Variants in ARID5B observed in about 807,000 individuals in gnomAD.
The protein encoded by ARID5B is AT-rich interactive domain-containing protein 5B.
In ARID5B, 13 loss-of-function variants were observed where a neutral mutation model predicts 97.2. The observed-to-expected ratio is 0.13, with a 90% CI of 0.09 to 0.21. The LOEUF (loss-of-function observed/expected upper bound fraction) is 0.21, where lower values mean the gene tolerates loss of function less well. ARID5B is among the 10% of genes least tolerant of loss of function. The probability of loss-of-function intolerance (pLI) is 1.00; values close to 1 mark genes in which losing one functional copy is unlikely to be tolerated. For synonymous variants in ARID5B, 556 were observed against 570.3 expected (o/e 0.97, Z 0.36); for missense variants, 1,210 against 1,465.3 (o/e 0.83, Z 2.84).
intron 4 of ARID5B, among the ~76,000 whole-genome samples, chr10:62,015,439 T>A (rs1350064929): frequency 6.6e-6 from 1 of 152,192 alleles, no homozygotes; most frequent in African/African-American, 2.4e-5. Flanking sequence ...GTTGTGCTTC[T>A]TTTCAGTAGC....
chr10:61,949,365 G>T (rs377017299), intron 3 of ARID5B, among the ~76,000 whole-genome samples: 2 of 152,108 alleles, frequency 1.3e-5, no homozygotes, highest in Non-Finnish European at 2.9e-5. Flanking sequence ...GGCTGGGCAC[G>T]GTGGCTCACG....
chr10:62,028,917 A>T (rs1401863432), intron 4 of ARID5B, among the ~76,000 whole-genome samples: 1 of 150,910 alleles, frequency 6.6e-6, no homozygotes, highest in African/African-American at 2.4e-5. Context: ...AGATCACGCC[A>T]CTGCGCTCCA....
At chr10:61,961,372 T>G (rs2098829992) in intron 3 of ARID5B, among the ~76,000 whole-genome samples, 2 of 152,184 alleles carry the variant, frequency 1.3e-5, no homozygotes, top group Admixed American at 1.3e-4. Flanking sequence ...GTTAAGTCAT[T>G]TCCTTTGAGG....
chr10:62,090,798 T>G (rs1840357671), intron 9 of ARID5B, 64 bp from the exon 10 acceptor site: 1 of 1,507,396 alleles, frequency 6.6e-7, no homozygotes, highest in East Asian at 2.3e-5. Flanking sequence ...AATATTTTAT[T>G]TCATAGCAAA....
At chr10:61,961,568 C>A (rs1838470995) in intron 3 of ARID5B, among the ~76,000 whole-genome samples, 1 of 152,150 alleles carries the variant, frequency 6.6e-6, no homozygotes, top group South Asian at 2.1e-4. Flanking sequence ...CGTGCACCTG[C>A]CCTTTTCGCG....
chr10:62,008,368 G>A (rs937055219), intron 4 of ARID5B, among the ~76,000 whole-genome samples: 16 of 152,216 alleles, frequency 1.1e-4, no homozygotes, highest in African/African-American at 3.9e-4. Flanking sequence ...CTTTACATTA[G>A]GCTGCCTCTC....
chr10:61,992,407 G>GT (rs1416690451), intron 3 of ARID5B, among the ~76,000 whole-genome samples: 5 of 151,916 alleles, frequency 3.3e-5, no homozygotes, highest in African/African-American at 9.7e-5. Flanking sequence ...GTTTTGTGAT[G>GT]TTTTTTTTCT....
intron 5 of ARID5B, among the ~76,000 whole-genome samples, chr10:62,053,685 A>C (rs745957086): frequency 2.0e-5 from 3 of 152,224 alleles, no homozygotes; most frequent in Non-Finnish European, 2.9e-5. Flanking sequence ...ATTATTTTTA[A>C]TATCCCGTAT....
At chr10:61,920,598 A>C (rs111517527) in intron 2 of ARID5B, among the ~76,000 whole-genome samples, 12 of 152,248 alleles carry the variant, frequency 7.9e-5, no homozygotes, top group African/African-American at 2.9e-4. Context: ...GGCCTCCCAA[A>C]TAAAAGATGA....
intron 3 of ARID5B, among the ~76,000 whole-genome samples, chr10:61,945,432 T>C (rs546687985): frequency 2.6e-5 from 4 of 152,330 alleles, no homozygotes; most frequent in South Asian, 2.1e-4. Context: ...AATATTATTA[T>C]ACAGCTCTAA....
intron 4 of ARID5B, among the ~76,000 whole-genome samples, chr10:62,045,755 T>A (rs908165259): frequency 6.6e-6 from 1 of 152,194 alleles, no homozygotes; most frequent in Non-Finnish European, 1.5e-5. Flanking sequence ...AAAGAAAATG[T>A]GCCAGAGAAT....
At chr10:61,912,306 A>T (rs1049982427) in intron 2 of ARID5B, among the ~76,000 whole-genome samples, 2 of 152,158 alleles carry the variant, frequency 1.3e-5, no homozygotes, top group Non-Finnish European at 2.9e-5. Context: ...TAGTTATAAG[A>T]TATTCATCAT....
Position 62,056,405 on chromosome 10 carries a change from ACC to A in ARID5B, c.847-708_847-707del, listed in dbSNP as rs557108245. On this transcript the variant is annotated intron_variant, in intron 5 of 9. Coordinates refer to ENST00000279873, the MANE Select transcript of ARID5B (RefSeq NM_032199.3). ...ATCTTTTGTTTCCTACTGAGGGTGT[ACC>A]CCCGCATCACTCTTGGGTGGCAAAC... Among the ~76,000 whole-genome samples, 687 of 152,098 alleles carry A rather than the reference ACC, an allele frequency of 4.5e-3. 5 individuals carry two copies. The highest frequency in any genetic ancestry group is 0.015 in the African/African-American group (638 of 41,470).
chr10:61,972,002 C>T (rs1026594087), intron 3 of ARID5B, among the ~76,000 whole-genome samples: 3 of 152,082 alleles, frequency 2.0e-5, no homozygotes, highest in African/African-American at 4.8e-5. Flanking sequence ...TCTATGTCCA[C>T]GTTTTTCATA....
intron 2 of ARID5B, among the ~76,000 whole-genome samples, chr10:61,920,232 G>A (rs1028161931): frequency 6.6e-5 from 10 of 152,090 alleles, no homozygotes; most frequent in African/African-American, 2.4e-4. Flanking sequence ...AGGGACAGGA[G>A]GACAGGGTCT....
chr10:62,085,786 T>G lies in ARID5B; in HGVS notation c.1284T>G (p.Ser428Arg), dbSNP rs146085530. Reference sequence around the variant, plus strand: ...TCAAACCTCGGAAACAGGAGAACAGTTCACAGGAAAATGAGAACAAAACAA... The same window carrying G: ...TCAAACCTCGGAAACAGGAGAACAGGTCACAGGAAAATGAGAACAAAACAA... ...PPIKPRKQEN[S>R]SQENENKTKV... is the part of the protein sequence containing the mutation. The change falls in exon 9 of 10, where the codon AGT (serine) becomes AGG (arginine). Residue 428 changes from serine to arginine, a missense_variant. Ser to Arg is a moderately radical substitution (Grantham distance 110). Transcript: ENST00000279873. 5.0e-5 allele frequency: 81 copies of G among 1,613,886 alleles called. No individual in the cohort carries two copies. Among genetic ancestry groups the G allele is most frequent in the Non-Finnish European group, 6.0e-5 (71 of 1,179,994 alleles).
Position 62,045,855 on chromosome 10 carries a change from C to A in ARID5B, c.734-5033C>A, listed in dbSNP as rs185200118. On this transcript the variant is annotated intron_variant, in intron 4 of 9. Coordinates refer to ENST00000279873, the MANE Select transcript of ARID5B (RefSeq NM_032199.3). ...AGAACAATGTTTGTCTTCCCTAATA[C>A]TGTGATCAGTGGAGTTTTGTTTTCT... Among the ~76,000 whole-genome samples the A allele has an allele frequency of 4.3e-3, 657 of 152,336 alleles. 5 individuals are homozygous for A. The highest frequency in any genetic ancestry group is 0.015 in the African/African-American group (621 of 41,574).
intron 4 of ARID5B, among the ~76,000 whole-genome samples, chr10:62,023,853 CTGTT>C (rs1353878338): frequency 1.3e-5 from 2 of 152,194 alleles, no homozygotes; most frequent in African/African-American, 2.4e-5. Flanking sequence ...AGGACACAGA[CTGTT>C]TGGGAGACTA....
intron 4 of ARID5B, among the ~76,000 whole-genome samples, chr10:62,012,394 C>A (rs922844932): frequency 6.6e-6 from 1 of 152,114 alleles, no homozygotes; most frequent in Non-Finnish European, 1.5e-5. Context: ...AGTGATGGCA[C>A]GCACCTGTAG....
Sources: gnomAD v4.1 joint callset for allele counts (sites outside exome capture counted in the v4.1 genomes callset) on GRCh38, gnomAD v4.1.1 for gene constraint, MANE v1.5 for transcripts, NCBI Gene and HGNC (gene_info 2026-07-23, HGNC 2026-07-21) for gene names.